Variants in ARHGAP10 observed in about 807,000 individuals in gnomAD.
ARHGAP10 encodes the protein Rho GTPase activating protein 10, also known as rho GTPase-activating protein 10.
ARHGAP10 carries 87 observed loss-of-function variants against 108.6 expected under a neutral mutation model. The observed-to-expected ratio is 0.80, with a 90% confidence interval of 0.67 to 0.96. The LOEUF is 0.96. ARHGAP10 is among the 40% of genes least tolerant of loss of function. ARHGAP10 has a pLI of 0.00. For missense variants in ARHGAP10, 939 were observed against 954.5 expected, an observed-to-expected ratio of 0.98 and a Z score of 0.21; for synonymous variants, 347 against 341.1, an observed-to-expected ratio of 1.02 and a Z score of -0.19.
chr4:148,024,199 A>G lies in ARHGAP10; in HGVS notation c.1867+786A>G, dbSNP rs1741681435. On this transcript the variant is annotated intron_variant, in intron 19 of 22. Transcript: ENST00000336498. ...TGGTATCCAAACCTGCGTTTTCAGT[A>G]TGCAGCCTGAAGCTGTGACTCGTGT... Among the ~76,000 whole-genome samples, 5 of 152,372 alleles carry G rather than the reference A, an allele frequency of 3.3e-5. No individual in the cohort carries two copies. In the South Asian group the frequency reaches 1.0e-3, roughly 32 times the overall value.
intron 14 of ARHGAP10, among the ~76,000 whole-genome samples, chr4:147,942,004 A>G (rs1738180336): frequency 1.3e-5 from 2 of 152,272 alleles, no homozygotes; most frequent in South Asian, 4.1e-4. Context: ...AGAGTTTTGA[A>G]TAGTCATGTC....
At chr4:147,744,663 C>G (rs939671108) in intron 1 of ARHGAP10, among the ~76,000 whole-genome samples, 3 of 152,018 alleles carry the variant, frequency 2.0e-5, no homozygotes, top group Non-Finnish European at 2.9e-5. Context: ...GCCCTGACAC[C>G]TCAGGTTCTG....
intron 1 of ARHGAP10, among the ~76,000 whole-genome samples, chr4:147,787,123 A>G (rs956818325): frequency 6.6e-6 from 1 of 152,216 alleles, no homozygotes; most frequent in Non-Finnish European, 1.5e-5. Flanking sequence ...CAGATGACCA[A>G]GGTGGAAGCT....
intron 1 of ARHGAP10, among the ~76,000 whole-genome samples, chr4:147,799,763 T>C (rs1731499133): frequency 6.6e-6 from 1 of 152,350 alleles, no homozygotes; most frequent in East Asian, 1.9e-4. Context: ...TGCTTTAAAA[T>C]CCTCATCAGA....
intron 21 of ARHGAP10, among the ~76,000 whole-genome samples, 195 bp downstream of exon 21, chr4:148,063,495 G>A (rs1430612148): frequency 1.3e-5 from 2 of 152,166 alleles, no homozygotes; most frequent in African/African-American, 4.8e-5. Context: ...GACGTTCTTT[G>A]GAGAATTTGC....
At chr4:147,761,755 T>G (rs1729601103) in intron 1 of ARHGAP10, among the ~76,000 whole-genome samples, 1 of 152,204 alleles carries the variant, frequency 6.6e-6, no homozygotes, top group African/African-American at 2.4e-5. Context: ...CCTTTCATAG[T>G]AGTAGAGTTT....
Position 147,966,797 on chromosome 4 carries a change from T to C in ARHGAP10, c.1674T>C (p.Phe558=). 1 of 1,597,148 alleles carries C rather than the reference T, an allele frequency of 6.3e-7. No individual in the cohort carries two copies. Among genetic ancestry groups the C allele is most frequent in the Non-Finnish European group, 8.6e-7 (1 of 1,168,394 alleles). The stretch of plus-strand genomic sequence containing the variant: ...TCGCTGCCCTCATGGACTTGAAGTT[T>C]CAGAATATTGTTGTGGAAATCTTAA... The part of the protein sequence containing the change: ...ETVAALMDLK[F]QNIVVEILIE... Residue 558 remains phenylalanine, a synonymous_variant, in exon 18 of 23, where the codon TTT becomes TTC. Coordinates refer to ENST00000336498, the MANE Select transcript of ARHGAP10 (RefSeq NM_024605.4).
chr4:147,877,567 A>G (rs942824385), intron 8 of ARHGAP10, among the ~76,000 whole-genome samples: 8 of 152,234 alleles, frequency 5.3e-5, no homozygotes, highest in South Asian at 2.1e-4. Flanking sequence ...TTGCTTTTTT[A>G]AAAGTGTCTT....
At position 147,774,908 on chromosome 4, in the gene ARHGAP10, AT is replaced by A. The variant is rs879445853; in HGVS notation, c.154+42468del. Among the ~76,000 whole-genome samples the A allele has an allele frequency of 4.0e-3, 549 of 138,178 alleles. 2 individuals carry two copies. Among genetic ancestry groups the A allele is most frequent in the Middle Eastern group, 0.011 (3 of 270 alleles). 90.7% of individuals were successfully genotyped at this position (138,178 alleles called of 152,430 possible). A position where few individuals can be genotyped will look rare whatever the true frequency, so the allele number is the denominator to read the frequency against. On this transcript the variant is annotated intron_variant, in intron 1 of 22. Coordinates refer to ENST00000336498, the MANE Select transcript of ARHGAP10 (RefSeq NM_024605.4). ...GCCACAGCCCTTTCCTCCTTGATGTATTTTTTTTTTTTTTTGAGACGGAGTT... is the reference window on the plus strand; with the variant it reads ...GCCACAGCCCTTTCCTCCTTGATGTATTTTTTTTTTTTTTGAGACGGAGTT...
intron 22 of ARHGAP10, among the ~76,000 whole-genome samples, chr4:148,066,663 G>A (rs1054955236): frequency 6.6e-6 from 1 of 152,248 alleles, no homozygotes; most frequent in Non-Finnish European, 1.5e-5. Flanking sequence ...TGCAGGCAAC[G>A]TGGATTCTGA....
At chr4:147,912,073 T>A (rs1190590578) in intron 12 of ARHGAP10, among the ~76,000 whole-genome samples, 1 of 151,010 alleles carries the variant, frequency 6.6e-6, no homozygotes, top group Non-Finnish European at 1.5e-5. Flanking sequence ...CTGTTGGAAT[T>A]TTTGGCAAAA....
intron 16 of ARHGAP10, among the ~76,000 whole-genome samples, chr4:147,963,163 T>TTGCAGACCAGAGTTGGCCTC (rs1401872724): frequency 6.6e-6 from 1 of 152,240 alleles, no homozygotes; most frequent in Non-Finnish European, 1.5e-5. Context: ...AAACTGGCCT[T>TTGCAGACCAGAGTTGGCCTC]TGCAGACCAG....
At chr4:148,036,066 CTGTGTGTGTGTGTG>C (rs61692055) in intron 19 of ARHGAP10, among the ~76,000 whole-genome samples, 9 of 142,870 alleles carry the variant, frequency 6.3e-5, no homozygotes, top group South Asian at 4.6e-4. Context: ...GGAGCTGCCT[CTGTGTGTGTGTGTG>C]TGTGTGTGTG....
chr4:147,937,872 G>A (rs768139294), intron 13 of ARHGAP10, among the ~76,000 whole-genome samples: 83 of 152,202 alleles, frequency 5.5e-4, no homozygotes, highest in Non-Finnish European at 1.0e-3. Flanking sequence ...CCAGCTACTT[G>A]GGAGGCTGAG....
intron 5 of ARHGAP10, chr4:147,861,000 C>T (rs1734290767): frequency 6.6e-6 from 1 of 152,220 alleles, no homozygotes; most frequent in African/African-American, 2.4e-5. Flanking sequence ...CTTTTCCAGC[C>T]AGAAATCTCT....
At chr4:147,951,481 C>G (rs574864680) in intron 15 of ARHGAP10, among the ~76,000 whole-genome samples, 1 of 150,370 alleles carries the variant, frequency 6.7e-6, no homozygotes, top group African/African-American at 2.5e-5. Context: ...AAGAGCAGGA[C>G]TTTTTCACTC....
chr4:147,988,890 C>A (rs975889914), intron 18 of ARHGAP10, among the ~76,000 whole-genome samples: 2 of 152,168 alleles, frequency 1.3e-5, no homozygotes, highest in Non-Finnish European at 2.9e-5. Context: ...TTAAAATAAT[C>A]ATTCCTGAGT....
intron 19 of ARHGAP10, among the ~76,000 whole-genome samples, chr4:148,041,577 C>G (rs761620987): frequency 6.6e-6 from 1 of 152,200 alleles, no homozygotes; most frequent in East Asian, 1.9e-4. Context: ...TATAAACATC[C>G]TCTAAATTAT....
At chr4:148,030,404 T>C (rs1051430738) in intron 19 of ARHGAP10, among the ~76,000 whole-genome samples, 3 of 152,232 alleles carry the variant, frequency 2.0e-5, no homozygotes, top group Non-Finnish European at 4.4e-5. Flanking sequence ...AAAGTATTGT[T>C]TATCCTGAAT....
Sources: allele counts gnomAD v4.1 joint callset (sites outside exome capture counted in the v4.1 genomes callset), GRCh38; gene constraint gnomAD v4.1.1; transcripts MANE v1.5; gene names NCBI Gene and HGNC (gene_info 2026-07-23, HGNC 2026-07-21).